Variants in ANKS1B observed in about 807,000 individuals in gnomAD.
ANKS1B encodes ankyrin repeat and sterile alpha motif domain-containing protein 1B.
Under a neutral mutation model 148.3 loss-of-function variants are expected in ANKS1B, and 36 were observed. The ratio of observed to expected loss-of-function variants is 0.24; its 90% CI spans 0.19 to 0.32. The LOEUF (loss-of-function observed/expected upper bound fraction) is 0.32, where lower values mean the gene tolerates loss of function less well. Ranked by LOEUF, ANKS1B falls within the 10% of genes least tolerant of loss-of-function variation. The pLI, the probability that ANKS1B is intolerant of heterozygous loss-of-function variation, is 1.00. For missense variants in ANKS1B, 1,157 were observed against 1,542.6 expected, an observed-to-expected ratio of 0.75 and a Z score of 4.19; for synonymous variants, 542 against 560.8, an observed-to-expected ratio of 0.97 and a Z score of 0.47.
intron 9 of ANKS1B, among the ~76,000 whole-genome samples, chr12:99,554,254 T>C (rs939647582): frequency 7.2e-5 from 11 of 152,094 alleles, no homozygotes; most frequent in East Asian, 5.8e-4. Flanking sequence ...TGAGATACTG[T>C]GGAAGGTACA....
chr12:99,701,247 T>A (rs1227544853), intron 8 of ANKS1B, among the ~76,000 whole-genome samples: 1 of 152,118 alleles, frequency 6.6e-6, no homozygotes, highest in East Asian at 1.9e-4. Flanking sequence ...GGTTGCAAAA[T>A]CCAACTCAAA....
intron 10 of ANKS1B, 87 bp downstream of exon 10, chr12:99,504,389 T>C (rs1208385664): frequency 2.9e-6 from 4 of 1,379,218 alleles, no homozygotes; most frequent in Non-Finnish European, 2.0e-6. Flanking sequence ...TTTGATAACA[T>C]AGTAGGAAAC....
chr12:98,893,671 A>C (rs969972594), intron 17 of ANKS1B: 2 of 152,208 alleles, frequency 1.3e-5, no homozygotes, highest in African/African-American at 4.8e-5. Context: ...CGTGTCTCTA[A>C]TCTACTGATC....
At chr12:99,163,630 T>C (rs1169139535) in intron 14 of ANKS1B, among the ~76,000 whole-genome samples, 1 of 152,134 alleles carries the variant, frequency 6.6e-6, no homozygotes, top group Non-Finnish European at 1.5e-5. Flanking sequence ...TCTTCCTCCC[T>C]TTCCCATTTT....
chr12:99,155,189 C>T, intron 14 of ANKS1B: 1 of 1,308,658 alleles, frequency 7.6e-7, no homozygotes, highest in Non-Finnish European at 1.0e-6. Context: ...TTCCCTTTCT[C>T]CTTTTCCTTT....
intron 17 of ANKS1B, among the ~76,000 whole-genome samples, chr12:98,974,908 TCCC>T (rs2099890357): frequency 7.1e-6 from 1 of 140,970 alleles, no homozygotes; most frequent in Non-Finnish European, 1.5e-5. Context: ...CCTACCTCCC[TCCC>T]TTCTTTCTTC....
At chr12:99,790,649 C>CT (rs1383603407) in intron 4 of ANKS1B, among the ~76,000 whole-genome samples, 1 of 151,938 alleles carries the variant, frequency 6.6e-6, no homozygotes, top group East Asian at 1.9e-4. Flanking sequence ...TATTAGTTTT[C>CT]TTTTTGTGTG....
chr12:98,785,046 C>T (rs1452210600), intron 22 of ANKS1B, among the ~76,000 whole-genome samples: 1 of 152,150 alleles, frequency 6.6e-6, no homozygotes, highest in Non-Finnish European at 1.5e-5. Context: ...TCCTTGAAGG[C>T]ATTTATACAC....
chr12:99,945,946 G>A (rs184052215), intron 1 of ANKS1B, among the ~76,000 whole-genome samples: 2 of 152,266 alleles, frequency 1.3e-5, no homozygotes, highest in Non-Finnish European at 2.9e-5. Context: ...AACCTGCCAT[G>A]GCAATCACTT....
At chr12:98,994,833 C>T (rs1179019823) in intron 17 of ANKS1B, among the ~76,000 whole-genome samples, 1 of 152,126 alleles carries the variant, frequency 6.6e-6, no homozygotes, top group Non-Finnish European at 1.5e-5. Context: ...ACCCTAATGA[C>T]CTCGCTTTTG....
At chr12:99,123,746 A>C (rs2063556048) in intron 15 of ANKS1B, among the ~76,000 whole-genome samples, 1 of 152,144 alleles carries the variant, frequency 6.6e-6, no homozygotes, top group African/African-American at 2.4e-5. Context: ...GGAGGCCAGA[A>C]GACTCAGCCA....
intron 15 of ANKS1B, among the ~76,000 whole-genome samples, chr12:99,102,446 C>T (rs1400929909): frequency 1.3e-5 from 2 of 151,766 alleles, no homozygotes; most frequent in Non-Finnish European, 2.9e-5. Flanking sequence ...TTTTTTCACT[C>T]GTAAGAATAG....
chr12:99,117,341 T>C (rs2061654593), intron 15 of ANKS1B, among the ~76,000 whole-genome samples: 2 of 152,220 alleles, frequency 1.3e-5, no homozygotes, highest in Non-Finnish European at 2.9e-5. Context: ...GGGTTTGTCA[T>C]AAATAGCTCT....
At chr12:98,996,812 C>CAAAA (rs1160748107) in intron 17 of ANKS1B, among the ~76,000 whole-genome samples, 37 of 40,636 alleles carry the variant, frequency 9.1e-4, no homozygotes, top group Non-Finnish European at 9.5e-4. Flanking sequence ...GACTCTATCT[C>CAAAA]AAAAAAAAAA....
chr12:99,984,774 GGCGGCGGCTCGTGCGCT>G lies in ANKS1B; in HGVS notation c.-554_-538del, dbSNP rs2095754455. 2 of 148,586 alleles carry G rather than the reference GGCGGCGGCTCGTGCGCT, an allele frequency of 1.3e-5. No individual in the cohort carries two copies. Among genetic ancestry groups the G allele is most frequent in the Admixed American group, 1.4e-4 (2 of 14,784 alleles). 9.2% of individuals were successfully genotyped at this position (148,586 alleles called of 1,614,324 possible). A position where few individuals can be genotyped will look rare whatever the true frequency, so the allele number is the denominator to read the frequency against. On this transcript the variant is annotated 5_prime_UTR_variant, in exon 1 of 27. Transcript: ENST00000683438. Reference sequence around the variant, plus strand: ...CGGCGGGGAGGAGCGCGGCGGCGGCGGCGGCGGCTCGTGCGCTGTGGCCCGCGCCGAGGCAGGGCGGT... The same window carrying G: ...CGGCGGGGAGGAGCGCGGCGGCGGCGGTGGCCCGCGCCGAGGCAGGGCGGT...
intron 4 of ANKS1B, among the ~76,000 whole-genome samples, chr12:99,803,240 G>T (rs1201923399): frequency 7.3e-6 from 1 of 136,754 alleles, no homozygotes. Context: ...GAAAAACTTG[G>T]TAACAATTAA....
At chr12:99,667,336 G>A (rs551643211) in intron 8 of ANKS1B, among the ~76,000 whole-genome samples, 3 of 121,906 alleles carry the variant, frequency 2.5e-5, no homozygotes, top group East Asian at 4.0e-4. Flanking sequence ...GTGACAGAGC[G>A]AGACTCTGTC....
intron 12 of ANKS1B, among the ~76,000 whole-genome samples, chr12:99,373,458 A>C (rs541251185): frequency 2.0e-5 from 3 of 152,276 alleles, no homozygotes; most frequent in African/African-American, 7.2e-5. Flanking sequence ...TAAGAGTCTC[A>C]GTTGCAATGG....
chr12:99,533,349 G>A (rs924845901), intron 9 of ANKS1B, among the ~76,000 whole-genome samples: 6 of 152,150 alleles, frequency 3.9e-5, no homozygotes, highest in Non-Finnish European at 8.8e-5. Flanking sequence ...CATTGTTGGT[G>A]TATAGCAGTG....
Sources: gnomAD v4.1 joint callset for allele counts (sites outside exome capture counted in the v4.1 genomes callset) on GRCh38, gnomAD v4.1.1 for gene constraint, MANE v1.5 for transcripts, NCBI Gene and HGNC (gene_info 2026-07-23, HGNC 2026-07-21) for gene names.